The following BRD8 variants were observed in gnomAD, a reference collection of about 807,000 sequenced individuals.
The protein encoded by BRD8 is bromodomain-containing protein 8.
In BRD8, 67 loss-of-function variants were observed where a neutral mutation model predicts 143.1. The ratio of observed to expected loss-of-function variants is 0.47; its 90% confidence interval spans 0.38 to 0.57. The LOEUF is 0.57. BRD8 is among the 20% of genes least tolerant of loss of function. BRD8 has a pLI of 0.00. For synonymous variants in BRD8, 505 were observed against 517.1 expected (o/e 0.98, Z 0.32); for missense variants, 1,103 against 1,503.0 (o/e 0.73, Z 4.40).
intron 2 of BRD8, among the ~76,000 whole-genome samples, 156 bp from the exon 3 acceptor site, chr5:138,172,290 C>T (rs7734861): frequency 0.12 from 17,429 of 149,852 alleles, 1,347 homozygotes; most frequent in South Asian, 0.22. Flanking sequence ...TTTGGGAGGC[C>T]AAGACGGGTG....
intron 2 of BRD8, among the ~76,000 whole-genome samples, chr5:138,175,557 T>C (rs1561623155): frequency 6.6e-6 from 1 of 150,716 alleles, no homozygotes; most frequent in African/African-American, 2.4e-5. Context: ...CACAAAAAAT[T>C]AGTCAAGCAT....
intron 25 of BRD8, among the ~76,000 whole-genome samples, chr5:138,142,303 C>T (rs911967496): frequency 1.3e-5 from 2 of 152,148 alleles, no homozygotes; most frequent in African/African-American, 2.4e-5. Flanking sequence ...TCCCAGCCTC[C>T]AGAACCAAAA....
chr5:138,161,742 A>G (rs1000451041), intron 17 of BRD8, 54 bp downstream of exon 17: 32 of 1,566,786 alleles, frequency 2.0e-5, no homozygotes, highest in Middle Eastern at 1.7e-4. Flanking sequence ...CTTCACTAAG[A>G]CTGGACAATT....
rs183440093 is a variant in BRD8, at chr5:138,177,582, G to T, written c.105C>A (p.Gly35=). 1.4e-5 allele frequency: 22 copies of T among 1,607,866 alleles called. No individual in the cohort carries two copies. The East Asian group carries it at 4.5e-4, about 33-fold the overall frequency. ...LCLASSVMRS[G]DQNWVSVSRA... ...CCTAGATACCTTACCAATTTTGATC[G>T]CCACTTCTCATGACAGAAGATGCTA... Residue 35 remains glycine, a synonymous_variant, in exon 2 of 27, where the codon GGC becomes GGA. Transcript: ENST00000254900.
intron 25 of BRD8, among the ~76,000 whole-genome samples, chr5:138,143,823 T>A (rs1269787571): frequency 6.6e-6 from 1 of 152,094 alleles, no homozygotes; most frequent in Admixed American, 6.6e-5. Context: ...AATGGACCAA[T>A]CAGCACTCTG....
Position 138,149,635 on chromosome 5 carries a change from C to T in BRD8, c.3278+5G>A. The T allele has an allele frequency of 6.3e-7, 1 of 1,591,184 alleles. No individual in the cohort carries two copies. The highest frequency in any genetic ancestry group is 8.5e-7 in the Non-Finnish European group (1 of 1,171,184). On this transcript the variant is annotated splice_donor_5th_base_variant and intron_variant, in intron 23 of 26. Coordinates refer to ENST00000254900, the MANE Select transcript of BRD8 (RefSeq NM_139199.2). Reference sequence around the variant, plus strand: ...TAACAAACTTGGATGAAAGTCTACGCTTACAGCTTTGAGGAGGTAGCATGG... The same window carrying T: ...TAACAAACTTGGATGAAAGTCTACGTTTACAGCTTTGAGGAGGTAGCATGG...
At chr5:138,165,754 G>A in intron 11 of BRD8, 74 bp downstream of exon 11, 1 of 1,264,936 alleles carries the variant, frequency 7.9e-7, no homozygotes, top group Non-Finnish European at 1.1e-6. Context: ...AGCAGCAGCA[G>A]CACCAAAGTG....
chr5:138,177,680 G>T lies in BRD8; in HGVS notation c.20-13C>A, dbSNP rs368834620. On this transcript the variant is annotated splice_polypyrimidine_tract_variant and intron_variant, in intron 1 of 26. Transcript: ENST00000254900. ...AGCAGCTTGTGTTCTGGGAAAGGGA[G>T]AAAAAAAAAAAAGCCTTGGAAACAA... 3.3e-6 allele frequency: 4 copies of T among 1,201,810 alleles called. No homozygotes were observed. The highest frequency in any genetic ancestry group is 4.7e-6 in the Non-Finnish European group (4 of 857,564). 74.4% of individuals were successfully genotyped at this position (1,201,810 alleles called of 1,614,324 possible).
chr5:138,154,613 CAA>C (rs1278838891), intron 20 of BRD8, among the ~76,000 whole-genome samples: 9 of 152,148 alleles, frequency 5.9e-5, no homozygotes, highest in African/African-American at 2.2e-4. Flanking sequence ...CATTGCCTCA[CAA>C]AGACTGTATC....
intron 9 of BRD8, chr5:138,167,545 C>G (rs1432632459): frequency 5.0e-6 from 1 of 198,450 alleles, no homozygotes; most frequent in Non-Finnish European, 1.0e-5. Flanking sequence ...GAAACTGAGG[C>G]TCAAAAGCTA....
chr5:138,174,880 TA>T (rs1754187700), intron 2 of BRD8, among the ~76,000 whole-genome samples: 1 of 149,844 alleles, frequency 6.7e-6, no homozygotes, highest in African/African-American at 2.4e-5. Flanking sequence ...TGACAAAAAA[TA>T]AACTCAAGTT....
intron 2 of BRD8, chr5:138,172,646 C>T: frequency 2.9e-6 from 1 of 342,284 alleles, no homozygotes; most frequent in Non-Finnish European, 5.4e-6. Flanking sequence ...TCAAGCCACC[C>T]GAGGAGATCC....
At chr5:138,149,412 C>G (rs1159617128) in intron 23 of BRD8, among the ~76,000 whole-genome samples, 1 of 152,138 alleles carries the variant, frequency 6.6e-6, no homozygotes, top group African/African-American at 2.4e-5. Flanking sequence ...AGCCACCACA[C>G]CTAGCCTTGA....
intron 2 of BRD8, among the ~76,000 whole-genome samples, chr5:138,172,380 G>T (rs912671458): frequency 2.0e-5 from 3 of 151,228 alleles, no homozygotes; most frequent in African/African-American, 7.3e-5. Flanking sequence ...AAAATTAGTT[G>T]GGCATGGTGG....
chr5:138,144,781 A>T (rs1050673307), intron 25 of BRD8, among the ~76,000 whole-genome samples: 1 of 151,156 alleles, frequency 6.6e-6, no homozygotes, highest in African/African-American at 2.4e-5. Flanking sequence ...TCATGCTTGT[A>T]GTCTTAGCTA....
Position 138,164,814 on chromosome 5 carries a change from A to C in BRD8, c.1631T>G (p.Leu544Ter). The change falls in exon 12 of 27, where the codon TTA (leucine) becomes TGA (stop). Residue 544 changes from leucine to a stop codon, truncating the protein, a stop_gained. Coordinates refer to ENST00000254900, the MANE Select transcript of BRD8 (RefSeq NM_139199.2). LOFTEE classifies it high-confidence loss of function. ...TGCAGTACTTCCCAGTTCCTCATCT[A>C]AGTCCTGACTCCTGAGTTCTGGTGG... ...MEPPELRSQD[L>*]DEELGSTAAG... is the part of the protein sequence containing the mutation. 1 of 1,614,142 alleles carries C rather than the reference A, an allele frequency of 6.2e-7. No homozygotes were observed. The highest frequency in any genetic ancestry group is 8.5e-7 in the Non-Finnish European group (1 of 1,180,028).
intron 15 of BRD8, 30 bp downstream of exon 15, chr5:138,163,100 G>A: frequency 6.3e-7 from 1 of 1,593,372 alleles, no homozygotes; most frequent in Non-Finnish European, 8.6e-7. Flanking sequence ...TCACTGCCTT[G>A]GCCTCAAAGA....
chr5:138,147,792 G>T (rs1752212691), intron 23 of BRD8, among the ~76,000 whole-genome samples: 1 of 152,040 alleles, frequency 6.6e-6, no homozygotes, highest in African/African-American at 2.4e-5. Context: ...AAAAAAATCA[G>T]CTGGTTGTGG....
In BRD8 at chr5:138,159,609, G is replaced by A; in HGVS notation, c.2533-10C>T. The A allele has an allele frequency of 6.2e-7, 1 of 1,613,640 alleles. No homozygotes were observed. The highest frequency in any genetic ancestry group is 2.2e-5 in the East Asian group (1 of 44,870). On this transcript the variant is annotated splice_polypyrimidine_tract_variant and intron_variant, in intron 19 of 26. Transcript: ENST00000254900. ...CCATTGGGACACTGTCCTGTTAGAG[G>A]ACAAACAAACACTGATCAGGTTCCA...
Sources: gnomAD v4.1 joint callset for allele counts (sites outside exome capture counted in the v4.1 genomes callset) on GRCh38, gnomAD v4.1.1 for gene constraint, MANE v1.5 for transcripts, NCBI Gene and HGNC (gene_info 2026-07-23, HGNC 2026-07-21) for gene names.